The following MAP3K21 variants were observed in gnomAD, a reference collection of about 807,000 sequenced individuals.
MAP3K21 encodes mitogen-activated protein kinase kinase kinase 21, also known as mitogen-activated protein kinase kinase kinase MLK4.
Under a neutral mutation model 86.1 loss-of-function variants are expected in MAP3K21, and 63 were observed. The observed-to-expected ratio is 0.73, with a 90% CI of 0.60 to 0.90. MAP3K21 has a LOEUF of 0.90. Among genes scored for constraint, MAP3K21 ranks in the 40% least tolerant of loss-of-function variants. The pLI is 0.00. For synonymous variants in MAP3K21, 558 were observed against 564.8 expected (o/e 0.99, Z 0.17); for missense variants, 1,220 against 1,367.7 (o/e 0.89, Z 1.70).
At position 233,328,362 on chromosome 1, in the gene MAP3K21, C is replaced by A. The variant is rs1662737026; in HGVS notation, c.334C>A (p.Arg112=). ...CGCCAGCCCCGCGCCGCCGCCCTCG[C>A]GGCCCAGCTCCCCGGTACACGTCGC... The part of the protein sequence containing the change: ...PAASPAPPPS[R]PSSPVHVAFE... The change falls in exon 1 of 10, where the codon CGG becomes AGG. Residue 112 remains arginine (R), a synonymous_variant. Transcript: ENST00000366624. This position sits in a 1 kb window ranked among gnomAD's most constrained non-coding sequence, Gnocchi z 8.7. 2 of 1,471,652 alleles carry A rather than the reference C, an allele frequency of 1.4e-6. No individual in the cohort carries two copies. The highest frequency in any genetic ancestry group is 1.8e-6 in the Non-Finnish European group (2 of 1,120,306). The allele number at this position is 1,471,652 out of a possible 1,614,324, so 91.2% of individuals were successfully genotyped here. A position where few individuals can be genotyped will look rare whatever the true frequency, so the allele number is the denominator to read the frequency against.
chr1:233,355,597 A>G (rs1663336215), intron 4 of MAP3K21, among the ~76,000 whole-genome samples: 2 of 152,122 alleles, frequency 1.3e-5, no homozygotes, highest in African/African-American at 2.4e-5. Flanking sequence ...CAAGTTTTTA[A>G]AAGGGGCTGC....
chr1:233,377,798 C>T (rs181769603), intron 8 of MAP3K21, among the ~76,000 whole-genome samples: 1 of 152,124 alleles, frequency 6.6e-6, no homozygotes, highest in Non-Finnish European at 1.5e-5. Flanking sequence ...CAGTGGGAGC[C>T]CTGAGCTTGT....
In MAP3K21 at chr1:233,328,133, G is replaced by C. The variant is rs558393786; in HGVS notation, c.105G>C (p.Ser35=). 3 of 1,415,252 alleles carry C rather than the reference G, an allele frequency of 2.1e-6. No individual in the cohort carries two copies. The highest frequency in any genetic ancestry group is 2.8e-6 in the Non-Finnish European group (3 of 1,089,656). 87.7% of individuals were successfully genotyped at this position (1,415,252 alleles called of 1,614,324 possible). A position where few individuals can be genotyped will look rare whatever the true frequency, so the allele number is the denominator to read the frequency against. Reference sequence around the variant, plus strand: ...CGTCGTCCACCTCCTCGGGCGGCTCGGCCTCGGCGGGCGCGGGGCTGTGGG... The same window carrying C: ...CGTCGTCCACCTCCTCGGGCGGCTCCGCCTCGGCGGGCGCGGGGCTGTGGG... The part of the protein sequence containing the change: ...ASSSSTSSGG[S]ASAGAGLWAA... Residue 35 remains serine (S), a synonymous_variant, in exon 1 of 10, where the codon TCG becomes TCC. Coordinates refer to ENST00000366624, the MANE Select transcript of MAP3K21 (RefSeq NM_032435.3). The surrounding 1 kb of genome is among the most constrained non-coding windows in gnomAD (Gnocchi z 8.7).
At position 233,327,917 on chromosome 1, in the gene MAP3K21, C is replaced by A. The variant is rs544380092; in HGVS notation, c.-112C>A. ...TGCCGTCACCGATCGCGATTCCTAC[C>A]CCCTCGCCTTCCCCCGGCGCCGACG... On this transcript the variant is annotated 5_prime_UTR_variant, in exon 1 of 10. Transcript: ENST00000366624. 1.6e-4 allele frequency: 133 copies of A among 818,502 alleles called. No homozygotes were observed. The South Asian group carries it at 3.5e-3, about 21-fold the overall frequency. The allele number at this position is 818,502 out of a possible 1,614,324, so 50.7% of individuals were successfully genotyped here.
intron 5 of MAP3K21, among the ~76,000 whole-genome samples, chr1:233,371,354 T>A (rs1344541835): frequency 4.6e-5 from 7 of 152,122 alleles, no homozygotes; most frequent in Non-Finnish European, 1.0e-4. Flanking sequence ...AATTTAATTT[T>A]ATTTATTTAT....
intron 4 of MAP3K21, among the ~76,000 whole-genome samples, chr1:233,358,788 C>T (rs184443300): frequency 6.8e-4 from 101 of 148,850 alleles, no homozygotes; most frequent in African/African-American, 2.4e-3. Flanking sequence ...GAGCAAGACC[C>T]TGTCTCAAAA....
intron 5 of MAP3K21, among the ~76,000 whole-genome samples, chr1:233,369,855 C>G (rs1290316378): frequency 6.6e-6 from 1 of 152,152 alleles, no homozygotes; most frequent in African/African-American, 2.4e-5. Context: ...GACCCCTCTT[C>G]CAGGCTGTGA....
intron 4 of MAP3K21, among the ~76,000 whole-genome samples, chr1:233,359,307 A>G (rs1663424784): frequency 6.6e-6 from 1 of 152,016 alleles, no homozygotes; most frequent in African/African-American, 2.4e-5. Flanking sequence ...AGTAGTGTCT[A>G]TTTTTACTTT....
rs1355285179 is a variant in MAP3K21 at position 233,355,453 on chromosome 1, G to A, written c.1311+442G>A. ...GAACGTGTCTGTTGGAGATTGTTTT[G>A]AGTTTCAGTGTTATGCCATTTTTCT... On this transcript the variant is annotated intron_variant, in intron 4 of 9. Coordinates refer to ENST00000366624, the MANE Select transcript of MAP3K21 (RefSeq NM_032435.3). Among the ~76,000 whole-genome samples the A allele has an allele frequency of 2.6e-5, 4 of 152,286 alleles. No homozygotes were observed. The East Asian group carries it at 7.7e-4, about 29-fold the overall frequency.
At chr1:233,369,441 T>C (rs1663644025) in intron 5 of MAP3K21, among the ~76,000 whole-genome samples, 1 of 151,990 alleles carries the variant, frequency 6.6e-6, no homozygotes, top group Non-Finnish European at 1.5e-5. Context: ...ATTTACCAAA[T>C]ACAGAAGATG....
chr1:233,339,409 TC>T (rs1195757569), intron 1 of MAP3K21, among the ~76,000 whole-genome samples: 26 of 87,336 alleles, frequency 3.0e-4, no homozygotes, highest in African/African-American at 1.0e-3. Flanking sequence ...CTCCTCCTCC[TC>T]CTCCTCCTTC....
chr1:233,371,843 A>G (rs1663690551), intron 5 of MAP3K21, among the ~76,000 whole-genome samples, 195 bp from the exon 6 acceptor site: 1 of 151,706 alleles, frequency 6.6e-6, no homozygotes, highest in Admixed American at 6.6e-5. Flanking sequence ...GACTATATCC[A>G]ACATATAAGC....
chr1:233,360,439 A>G (rs913962734), intron 4 of MAP3K21, among the ~76,000 whole-genome samples: 35 of 152,190 alleles, frequency 2.3e-4, no homozygotes, highest in African/African-American at 7.0e-4. Context: ...TTTAAACATC[A>G]TTTGGTCTAA....
At chr1:233,381,199 C>A (rs1236566074) in intron 9 of MAP3K21, among the ~76,000 whole-genome samples, 1 of 152,182 alleles carries the variant, frequency 6.6e-6, no homozygotes, top group African/African-American at 2.4e-5. Context: ...GGGCTCATAT[C>A]TCTGCTTATA....
intron 2 of MAP3K21, among the ~76,000 whole-genome samples, chr1:233,350,076 G>C (rs555522667): frequency 1.3e-5 from 2 of 151,878 alleles, no homozygotes. Flanking sequence ...CTTCTAATTA[G>C]CTCAAGTCCC....
chr1:233,378,048 C>T (rs983843326), intron 8 of MAP3K21, among the ~76,000 whole-genome samples: 1 of 152,202 alleles, frequency 6.6e-6, no homozygotes, highest in Non-Finnish European at 1.5e-5. Context: ...ACCTGCTGCT[C>T]ACTTCCTGCT....
At chr1:233,349,919 G>A (rs1444417454) in intron 2 of MAP3K21, among the ~76,000 whole-genome samples, 1 of 151,320 alleles carries the variant, frequency 6.6e-6, no homozygotes, top group African/African-American at 2.4e-5. Flanking sequence ...CCTGATGACA[G>A]AGCAAGACTC....
At chr1:233,334,064 AC>A (rs1423452633) in intron 1 of MAP3K21, among the ~76,000 whole-genome samples, 1 of 150,938 alleles carries the variant, frequency 6.6e-6, no homozygotes, top group Non-Finnish European at 1.5e-5. Context: ...ATGGGGTTTC[AC>A]CGTGTTAGCC....
Position 233,376,070 on chromosome 1 carries a change from C to T in MAP3K21, c.1826+4C>T, listed in dbSNP as rs758676664. The T allele has an allele frequency of 6.9e-6, 11 of 1,598,278 alleles. No homozygotes were observed. In the South Asian group the frequency reaches 8.0e-5, roughly 12 times the overall value. ...ATAGAACAGATTGCAAAGAAAGGTACGTGTGTGGTATCTGGTGGTATTCAT... is the reference window on the plus strand; with the variant it reads ...ATAGAACAGATTGCAAAGAAAGGTATGTGTGTGGTATCTGGTGGTATTCAT... On this transcript the variant is annotated splice_donor_region_variant and intron_variant, in intron 7 of 9. Transcript: ENST00000366624.
Sources: gnomAD v4.1 joint callset for allele counts (sites outside exome capture counted in the v4.1 genomes callset) on GRCh38, gnomAD v4.1.1 for gene constraint, Gnocchi (gnomAD v3.1) non-coding constraint, MANE v1.5 for transcripts, NCBI Gene and HGNC (gene_info 2026-07-23, HGNC 2026-07-21) for gene names.